The following UST variants were observed in gnomAD, a reference collection of about 807,000 sequenced individuals.
The protein encoded by UST is chondroitin sulfate 2-O-sulfotransferase.
UST carries 21 observed loss-of-function variants against 45.6 expected under a neutral mutation model. That is an observed-to-expected ratio of 0.46 (90% CI 0.33 to 0.66). The LOEUF (loss-of-function observed/expected upper bound fraction) is 0.66. Among genes scored for constraint, UST ranks in the 30% least tolerant of loss-of-function variants. The probability of loss-of-function intolerance (pLI) is 0.02; values close to 1 mark genes in which losing one functional copy is unlikely to be tolerated. For missense variants in UST, 463 were observed against 512.4 expected (o/e 0.90, Z 0.93); for synonymous variants, 215 against 200.6 (o/e 1.07, Z -0.61).
chr6:148,749,370 C>T (rs1314480571), intron 1 of UST, among the ~76,000 whole-genome samples: 2 of 152,168 alleles, frequency 1.3e-5, no homozygotes, highest in Non-Finnish European at 2.9e-5. Context: ...TCCATTAAAT[C>T]TGACAGTGAA....
intron 7 of UST, among the ~76,000 whole-genome samples, chr6:149,038,401 C>T (rs1001621916): frequency 2.7e-5 from 4 of 150,376 alleles, no homozygotes; most frequent in African/African-American, 9.8e-5. Flanking sequence ...GACTGAGGCT[C>T]AAGGATGAAG....
intron 1 of UST, among the ~76,000 whole-genome samples, chr6:148,847,485 A>G (rs1778014111): frequency 6.6e-6 from 1 of 152,184 alleles, no homozygotes; most frequent in Non-Finnish European, 1.5e-5. Context: ...TTCAGGCCTG[A>G]CATAAGATGT....
chr6:148,992,020 T>C (rs1781362568), intron 5 of UST, among the ~76,000 whole-genome samples: 2 of 152,184 alleles, frequency 1.3e-5, no homozygotes. Flanking sequence ...TTTATTGTCG[T>C]AAGTATGGTG....
At chr6:148,894,528 G>T (rs1216005020) in intron 2 of UST, among the ~76,000 whole-genome samples, 2 of 152,172 alleles carry the variant, frequency 1.3e-5, no homozygotes, top group African/African-American at 4.8e-5. Context: ...GAGCAGAGAA[G>T]CATGGAGCAG....
At chr6:148,763,682 G>GA (rs1335538755) in intron 1 of UST, among the ~76,000 whole-genome samples, 1 of 152,084 alleles carries the variant, frequency 6.6e-6, no homozygotes, top group Non-Finnish European at 1.5e-5. Flanking sequence ...TATATGGTAA[G>GA]AAAAGGGGTC....
chr6:148,956,668 C>T (rs1582922626), intron 4 of UST, among the ~76,000 whole-genome samples: 1 of 152,314 alleles, frequency 6.6e-6, no homozygotes, highest in African/African-American at 2.4e-5. Flanking sequence ...GCTCCTGACT[C>T]GGTTTCTATG....
chr6:149,036,324 A>T (rs1165231922), intron 7 of UST, among the ~76,000 whole-genome samples: 1 of 152,196 alleles, frequency 6.6e-6, no homozygotes, highest in Non-Finnish European at 1.5e-5. Context: ...CCTTTTCGTC[A>T]GCACTTCAGA....
At chr6:148,967,015 G>C (rs533050018) in intron 5 of UST, among the ~76,000 whole-genome samples, 1 of 152,302 alleles carries the variant, frequency 6.6e-6, no homozygotes, top group South Asian at 2.1e-4. Flanking sequence ...TGAGATTACA[G>C]GTGTGAGCCA....
intron 1 of UST, among the ~76,000 whole-genome samples, chr6:148,857,499 C>T (rs1179376280): frequency 5.9e-5 from 9 of 152,154 alleles, no homozygotes; most frequent in African/African-American, 2.2e-4. Flanking sequence ...AAGGGCAGAA[C>T]TTAGAGCACA....
chr6:148,908,765 T>A (rs1487776139), intron 2 of UST, among the ~76,000 whole-genome samples: 18 of 152,202 alleles, frequency 1.2e-4, no homozygotes, highest in Admixed American at 9.2e-4. Context: ...AAGATCTGTT[T>A]TCCCTTATTT....
intron 1 of UST, among the ~76,000 whole-genome samples, chr6:148,840,451 C>A (rs886359805): frequency 3.9e-5 from 6 of 152,148 alleles, no homozygotes; most frequent in Admixed American, 2.0e-4. Flanking sequence ...AAGCTGAATT[C>A]TTTAGCTATT....
intron 1 of UST, among the ~76,000 whole-genome samples, chr6:148,756,748 A>G (rs1417435688): frequency 6.6e-6 from 1 of 152,210 alleles, no homozygotes; most frequent in Non-Finnish European, 1.5e-5. Context: ...AAGCTTATTC[A>G]GTGCTTCGCA....
intron 1 of UST, among the ~76,000 whole-genome samples, chr6:148,826,525 G>T (rs1268336089): frequency 6.6e-6 from 1 of 151,484 alleles, no homozygotes; most frequent in Non-Finnish European, 1.5e-5. Context: ...ATATTGAATT[G>T]TTCACAGTTT....
intron 5 of UST, among the ~76,000 whole-genome samples, chr6:148,969,082 A>G (rs1296905860): frequency 6.6e-6 from 1 of 152,244 alleles, no homozygotes; most frequent in Non-Finnish European, 1.5e-5. Flanking sequence ...AAAGCTATGC[A>G]TTTTAATCTA....
At chr6:148,960,188 C>T (rs899315564) in intron 4 of UST, among the ~76,000 whole-genome samples, 1 of 152,162 alleles carries the variant, frequency 6.6e-6, no homozygotes, top group African/African-American at 2.4e-5. Context: ...ACTTGGGAGA[C>T]TGTGGCAGGA....
chr6:148,912,035 A>G (rs899960705), intron 2 of UST, among the ~76,000 whole-genome samples: 1 of 152,104 alleles, frequency 6.6e-6, no homozygotes, highest in East Asian at 1.9e-4. Context: ...TGTCTCTACT[A>G]AAAATATAAA....
At chr6:148,904,432 C>A (rs1346227285) in intron 2 of UST, among the ~76,000 whole-genome samples, 1 of 152,022 alleles carries the variant, frequency 6.6e-6, no homozygotes, top group African/African-American at 2.4e-5. Context: ...TAAGATCATT[C>A]TTATTTTATA....
rs1352260113 is a variant in UST, at chr6:148,896,499, G to A, written c.291+9470G>A. Among the ~76,000 whole-genome samples, 6 of 152,326 alleles carry A rather than the reference G, an allele frequency of 3.9e-5. No homozygotes were observed. The East Asian group carries it at 1.2e-3, about 29-fold the overall frequency. On this transcript the variant is annotated intron_variant, in intron 2 of 7. Coordinates refer to ENST00000367463, the MANE Select transcript of UST (RefSeq NM_005715.3). Reference sequence around the variant, plus strand: ...CTATTCATTGTTCTGTAAAGAACATGCGATGTGGTAAAAACCCACATTGTC... The same window carrying A: ...CTATTCATTGTTCTGTAAAGAACATACGATGTGGTAAAAACCCACATTGTC...
At chr6:148,858,588 G>A (rs529425642) in intron 1 of UST, among the ~76,000 whole-genome samples, 3 of 151,754 alleles carry the variant, frequency 2.0e-5, no homozygotes, top group African/African-American at 7.3e-5. Context: ...ATATTGGTGC[G>A]CTGCACCCAT....
Sources: allele counts gnomAD v4.1 joint callset (sites outside exome capture counted in the v4.1 genomes callset), GRCh38; gene constraint gnomAD v4.1.1; transcripts MANE v1.5; gene names NCBI Gene and HGNC (gene_info 2026-07-23, HGNC 2026-07-21).